SPATC1: variants seen among roughly 807,000 people sequenced by gnomAD.
The protein encoded by SPATC1 is speriolin.
In SPATC1, 35 loss-of-function variants were observed where a neutral mutation model predicts 36.5. That is an observed-to-expected ratio of 0.96 (90% CI 0.73 to 1.27). The LOEUF (loss-of-function observed/expected upper bound fraction) is 1.27, where lower values mean the gene tolerates loss of function less well. SPATC1 is among the 50% of genes most tolerant of loss of function. The pLI, the probability that SPATC1 is intolerant of heterozygous loss-of-function variation, is 0.00. For missense variants in SPATC1, 779 were observed against 796.0 expected, an observed-to-expected ratio of 0.98 and a Z score of 0.26; for synonymous variants, 361 against 353.6, an observed-to-expected ratio of 1.02 and a Z score of -0.24.
At chr8:144,022,723 A>AGG (rs1348424322) in intron 1 of SPATC1, among the ~76,000 whole-genome samples, 2 of 130,888 alleles carry the variant, frequency 1.5e-5, no homozygotes, top group African/African-American at 2.9e-5. Flanking sequence ...TCCCTGAGGA[A>AGG]ACTCTCCCCT....
intron 1 of SPATC1, among the ~76,000 whole-genome samples, chr8:144,015,817 T>C (rs539847722): frequency 6.6e-6 from 1 of 150,948 alleles, no homozygotes; most frequent in Admixed American, 6.6e-5. Flanking sequence ...TCCCAGCACT[T>C]TGGGAGGCCG....
intron 4 of SPATC1, among the ~76,000 whole-genome samples, chr8:144,043,384 C>A (rs555767423): frequency 6.6e-6 from 1 of 151,786 alleles, no homozygotes; most frequent in African/African-American, 2.4e-5. Context: ...CAAGTTCAAG[C>A]GATTCTCCTG....
chr8:144,039,603 G>A (rs911314174), intron 1 of SPATC1, among the ~76,000 whole-genome samples: 2 of 152,220 alleles, frequency 1.3e-5, no homozygotes, highest in East Asian at 1.9e-4. Context: ...ATGGCTGGGG[G>A]CAGTGGGCAA....
At chr8:144,031,906 G>A (rs1834805559) in intron 1 of SPATC1, among the ~76,000 whole-genome samples, 1 of 151,878 alleles carries the variant, frequency 6.6e-6, no homozygotes, top group African/African-American at 2.4e-5. Flanking sequence ...TTTTGGTAGA[G>A]ACAGGTTTTG....
chr8:144,040,361 G>C lies in SPATC1; in HGVS notation c.664G>C (p.Val222Leu), dbSNP rs1554755610. The change falls in exon 2 of 5, where the codon GTC becomes CTC. Residue 222 changes from valine (V) to leucine (L), a missense_variant. By Grantham distance (32) the Val-to-Leu change is conservative. Coordinates refer to ENST00000377470, the MANE Select transcript of SPATC1 (RefSeq NM_198572.3). ...NLLANPMSNL[V>L]LPEAPRLRLA... The stretch of plus-strand genomic sequence containing the variant: ...GCTGGCCAACCCCATGAGCAACCTG[G>C]TCCTGCCAGAGGCCCCAAGGCTGCG... The C allele has an allele frequency of 6.2e-7, 1 of 1,612,656 alleles. No individual in the cohort carries two copies. Among genetic ancestry groups the C allele is most frequent in the Non-Finnish European group, 8.5e-7 (1 of 1,179,874 alleles).
chr8:144,044,341 G>A (rs185742952), intron 4 of SPATC1, among the ~76,000 whole-genome samples: 22 of 149,114 alleles, frequency 1.5e-4, no homozygotes, highest in African/African-American at 4.2e-4. Context: ...TCGCTCTGTC[G>A]CCCGGGCTGG....
chr8:144,038,357 C>T (rs1156663711), intron 1 of SPATC1, among the ~76,000 whole-genome samples: 3 of 147,192 alleles, frequency 2.0e-5, no homozygotes, highest in East Asian at 4.3e-4. Flanking sequence ...CGCTTGAACC[C>T]GGGAGGCAGA....
intron 1 of SPATC1, among the ~76,000 whole-genome samples, chr8:144,013,427 T>C (rs782545401): frequency 1.2e-4 from 18 of 152,068 alleles, no homozygotes; most frequent in South Asian, 4.1e-4. Context: ...AAACTAGACA[T>C]GTTTCTGACT....
chr8:144,015,740 CAAA>C (rs374846456), intron 1 of SPATC1, among the ~76,000 whole-genome samples: 1 of 81,416 alleles, frequency 1.2e-5, no homozygotes, highest in Non-Finnish European at 2.4e-5. Flanking sequence ...GACTCTGTCT[CAAA>C]AAAAAAAAAA....
intron 4 of SPATC1, among the ~76,000 whole-genome samples, chr8:144,041,740 G>A (rs56396758): frequency 2.2e-4 from 34 of 152,324 alleles, no homozygotes; most frequent in South Asian, 4.1e-4. Flanking sequence ...GGGGGTGTGC[G>A]GCTGCTGGGC....
At chr8:144,042,383 G>A (rs373405066) in intron 4 of SPATC1, among the ~76,000 whole-genome samples, 5 of 133,640 alleles carry the variant, frequency 3.7e-5, no homozygotes, top group Non-Finnish European at 4.6e-5. Context: ...GCAATGGTGC[G>A]ATCTCGGATC....
chr8:144,046,755 C>G lies in SPATC1; in HGVS notation c.1575C>G (p.Thr525=). 1 of 1,611,740 alleles carries G rather than the reference C, an allele frequency of 6.2e-7. No homozygotes were observed. The highest frequency in any genetic ancestry group is 8.5e-7 in the Non-Finnish European group (1 of 1,179,994). ...ACGGGCGGGTGCACCCTGCGCTGAC[C>G]GAGCAGCTGGTGAACGCTTATGGCA... ...GYNGRVHPAL[T]EQLVNAYGIL... is the part of the protein sequence containing the mutation. The change falls in exon 5 of 5, where the codon ACC becomes ACG. Residue 525 remains threonine, a synonymous_variant. Transcript: ENST00000377470. The surrounding 1 kb of genome is among the most constrained non-coding windows in gnomAD (Gnocchi z 6.6).
rs1554755726 is a variant in SPATC1, at chr8:144,040,637, C to T, written c.836C>T (p.Ala279Val). ...CCTCTCAGCATGGCGTTTGCAGGAGCACCCCTCCAGACCTCCACCCCTATC... is the reference window on the plus strand; with the variant it reads ...CCTCTCAGCATGGCGTTTGCAGGAGTACCCCTCCAGACCTCCACCCCTATC... Reference protein sequence around the residue: ...PEPLSMAFAGAPLQTSTPIGA... With the variant: ...PEPLSMAFAGVPLQTSTPIGA... The change falls in exon 3 of 5, where the codon GCA (alanine) becomes GTA (valine). Residue 279 changes from alanine to valine, a missense_variant. Physicochemically the swap from Ala to Val is moderately conservative, Grantham distance 64. Coordinates refer to ENST00000377470, the MANE Select transcript of SPATC1 (RefSeq NM_198572.3). 2 of 1,613,060 alleles carry T rather than the reference C, an allele frequency of 1.2e-6. No individual in the cohort carries two copies. Among genetic ancestry groups the T allele is most frequent in the Non-Finnish European group, 1.7e-6 (2 of 1,179,550 alleles).
rs557420736 is a variant in SPATC1 at position 144,045,544 on chromosome 8, G to A, written c.1447-1083G>A. 5.3e-5 allele frequency among the ~76,000 whole-genome samples: 8 copies of A among 152,340 alleles called. No individual in the cohort carries two copies. The highest frequency in any genetic ancestry group is 5.9e-5 in the Non-Finnish European group (4 of 68,026). On this transcript the variant is annotated intron_variant, in intron 4 of 4. Transcript: ENST00000377470. The surrounding 1 kb of genome is among the most constrained non-coding windows in gnomAD (Gnocchi z 5.2). Reference sequence around the variant, plus strand: ...GGGACACAGCAGGACATAGCTGGAAGAGGGGTGCAGGGACAGATGGGGGGA... The same window carrying A: ...GGGACACAGCAGGACATAGCTGGAAAAGGGGTGCAGGGACAGATGGGGGGA...
chr8:144,035,532 C>G (rs1459091305), intron 1 of SPATC1, among the ~76,000 whole-genome samples: 2 of 152,258 alleles, frequency 1.3e-5, no homozygotes, highest in Non-Finnish European at 2.9e-5. Flanking sequence ...TGGTGTTAGA[C>G]TTTCTGTGAA....
chr8:144,040,840 A>G lies in SPATC1; in HGVS notation c.1039A>G (p.Thr347Ala). Residue 347 changes from threonine to alanine, a missense_variant, in exon 3 of 5, where the codon ACC becomes GCC. Thr to Ala is a moderately conservative substitution (Grantham distance 58, BLOSUM62 0). Transcript: ENST00000377470. ...CCCCGCCCTTGCCCCCCAGGTTGCC[A>G]CCAGCTACACACCCTCAAGCACCAC... ...SAPALAPQVA[T>A]SYTPSSTTHI... 2 of 1,293,572 alleles carry G rather than the reference A, an allele frequency of 1.5e-6. No individual in the cohort carries two copies. Among genetic ancestry groups the G allele is most frequent in the Non-Finnish European group, 2.0e-6 (2 of 991,662 alleles). 80.1% of individuals were successfully genotyped at this position (1,293,572 alleles called of 1,614,324 possible).
chr8:144,024,337 A>T (rs1834628006), intron 1 of SPATC1, among the ~76,000 whole-genome samples: 1 of 139,508 alleles, frequency 7.2e-6, no homozygotes, highest in Non-Finnish European at 1.5e-5. Context: ...GCCTTCTTTC[A>T]GACCCCTCTT....
intron 4 of SPATC1, among the ~76,000 whole-genome samples, chr8:144,044,345 G>T (rs181478912): frequency 2.0e-5 from 3 of 150,490 alleles, no homozygotes; most frequent in African/African-American, 7.3e-5. Flanking sequence ...TCTGTCGCCC[G>T]GGCTGGAGTG....
chr8:144,044,520 G>A (rs1835207480), intron 4 of SPATC1, among the ~76,000 whole-genome samples: 1 of 150,642 alleles, frequency 6.6e-6, no homozygotes, highest in African/African-American at 2.4e-5. Context: ...GTGTTCGCCA[G>A]GATGGTCTTG....
Sources: gnomAD v4.1 joint callset for allele counts (sites outside exome capture counted in the v4.1 genomes callset) on GRCh38, gnomAD v4.1.1 for gene constraint, Gnocchi (gnomAD v3.1) non-coding constraint, MANE v1.5 for transcripts, NCBI Gene and HGNC (gene_info 2026-07-23, HGNC 2026-07-21) for gene names.